SGCD: variants seen among roughly 807,000 people sequenced by gnomAD.
SGCD encodes sarcoglycan delta.
SGCD carries 18 observed loss-of-function variants against 36.6 expected under a neutral mutation model. That is an observed-to-expected ratio of 0.49 (90% CI 0.34 to 0.73). The LOEUF is 0.73. SGCD is among the 30% of genes least tolerant of loss of function. SGCD has a pLI of 0.01. For synonymous variants in SGCD, 133 were observed against 130.6 expected, an observed-to-expected ratio of 1.02 and a Z score of -0.12; for missense variants, 387 against 346.7, an observed-to-expected ratio of 1.12 and a Z score of -0.92.
chr5:156,543,296 C>A (rs1386520887), intron 4 of SGCD, among the ~76,000 whole-genome samples: 1 of 152,208 alleles, frequency 6.6e-6, no homozygotes, highest in Non-Finnish European at 1.5e-5. Context: ...ATGCCTCCCT[C>A]ATTTATAACC....
the SGCD span, among the ~76,000 whole-genome samples, chr5:155,801,023 G>A: frequency 1.3e-5 from 2 of 152,142 alleles, no homozygotes; most frequent in Admixed American, 6.5e-5. Flanking sequence ...TTTATAATGA[G>A]TGCCTTTATT....
intron 7 of SGCD, among the ~76,000 whole-genome samples, chr5:156,653,991 G>T (rs1763574537): frequency 6.6e-6 from 1 of 152,136 alleles, no homozygotes; most frequent in South Asian, 2.1e-4. Context: ...ACTGTGCTAA[G>T]AGTTGGGCGC....
At chr5:156,146,736 C>T (rs779850142) in intron 3 of SGCD, among the ~76,000 whole-genome samples, 2 of 152,106 alleles carry the variant, frequency 1.3e-5, no homozygotes, top group African/African-American at 4.8e-5. Flanking sequence ...TAAAAATAAG[C>T]GTTAGTGAGC....
intron 3 of SGCD, among the ~76,000 whole-genome samples, chr5:156,492,473 A>C (rs1755988480): frequency 6.6e-6 from 1 of 152,094 alleles, no homozygotes; most frequent in African/African-American, 2.4e-5. Context: ...AGGCAGGAAA[A>C]AATCCTCCCC....
chr5:155,880,919 T>C (rs1755867482), intron 1 of SGCD, among the ~76,000 whole-genome samples: 2 of 152,116 alleles, frequency 1.3e-5, no homozygotes, highest in African/African-American at 4.8e-5. Context: ...GACTCCTAGG[T>C]GAGCAGAAAA....
intron 6 of SGCD, among the ~76,000 whole-genome samples, chr5:156,601,538 C>T (rs1761191493): frequency 1.3e-5 from 2 of 152,150 alleles, no homozygotes; most frequent in Admixed American, 1.3e-4. Flanking sequence ...GTTATTATAG[C>T]TTTGTAGTAT....
At chr5:155,736,772 C>G in the SGCD span, among the ~76,000 whole-genome samples, 2 of 152,088 alleles carry the variant, frequency 1.3e-5, no homozygotes, top group Admixed American at 6.6e-5. Context: ...CAACATGGTT[C>G]TAAGTTATGT....
chr5:155,998,778 T>G (rs1758606091), intron 1 of SGCD, among the ~76,000 whole-genome samples: 2 of 152,220 alleles, frequency 1.3e-5, no homozygotes, highest in South Asian at 4.1e-4. Flanking sequence ...TGGAAACACC[T>G]GCTCACACTT....
intron 3 of SGCD, among the ~76,000 whole-genome samples, chr5:156,187,287 TAGG>T (rs1763785051): frequency 6.6e-6 from 1 of 152,000 alleles, no homozygotes; most frequent in African/African-American, 2.4e-5. Flanking sequence ...ATGATTTCAA[TAGG>T]ATAATGGGAA....
At chr5:155,753,467 G>A in the SGCD span, among the ~76,000 whole-genome samples, 1 of 152,134 alleles carries the variant, frequency 6.6e-6, no homozygotes, top group South Asian at 2.1e-4. Flanking sequence ...GTTCTAAAAA[G>A]GATCGGACAA....
intron 2 of SGCD, among the ~76,000 whole-genome samples, chr5:156,335,534 T>C (rs1768304059): frequency 6.6e-6 from 1 of 152,160 alleles, no homozygotes; most frequent in African/African-American, 2.4e-5. Context: ...CCAAGTGCCA[T>C]CATAGTGTTC....
chr5:156,166,161 G>A (rs985002007), intron 3 of SGCD, among the ~76,000 whole-genome samples: 1 of 150,512 alleles, frequency 6.6e-6, no homozygotes, highest in African/African-American at 2.4e-5. Flanking sequence ...TTTAGTAAAT[G>A]TATCTCTTTT....
chr5:156,524,526 A>T (rs1286178079), intron 4 of SGCD, among the ~76,000 whole-genome samples: 1 of 151,514 alleles, frequency 6.6e-6, no homozygotes, highest in Non-Finnish European at 1.5e-5. Context: ...TACATCATGA[A>T]ATGACTAACA....
chr5:156,126,245 G>A (rs985640613), intron 3 of SGCD, among the ~76,000 whole-genome samples: 2 of 152,100 alleles, frequency 1.3e-5, no homozygotes, highest in Non-Finnish European at 2.9e-5. Context: ...CCTCAAATAC[G>A]TAGAGAAGCT....
At chr5:156,030,597 A>G (rs979804032) in intron 1 of SGCD, among the ~76,000 whole-genome samples, 3 of 152,228 alleles carry the variant, frequency 2.0e-5, no homozygotes, top group Non-Finnish European at 4.4e-5. Flanking sequence ...CATTTTTTAT[A>G]GCAGCCCTAG....
intron 1 of SGCD, among the ~76,000 whole-genome samples, chr5:155,894,310 C>T (rs565131717): frequency 2.6e-5 from 4 of 152,260 alleles, no homozygotes; most frequent in South Asian, 4.1e-4. Context: ...AGAAATTTTT[C>T]GGCTCCATTA....
intron 3 of SGCD, among the ~76,000 whole-genome samples, chr5:156,311,691 G>C (rs1767393851): frequency 6.6e-6 from 1 of 152,074 alleles, no homozygotes; most frequent in African/African-American, 2.4e-5. Context: ...ATCATATTGG[G>C]TTTCTGTATT....
chr5:155,742,998 T>C, the SGCD span, among the ~76,000 whole-genome samples: 1 of 152,342 alleles, frequency 6.6e-6, no homozygotes, highest in South Asian at 2.1e-4. Context: ...TAAGGTTTGG[T>C]TGGGGGCACG....
intron 3 of SGCD, among the ~76,000 whole-genome samples, chr5:156,483,551 C>T (rs928992413): frequency 6.6e-6 from 1 of 152,124 alleles, no homozygotes; most frequent in African/African-American, 2.4e-5. Context: ...AAACAGAAGG[C>T]GAGGCCTGGG....
Sources: gnomAD v4.1 joint callset for allele counts (sites outside exome capture counted in the v4.1 genomes callset) on GRCh38, gnomAD v4.1.1 for gene constraint, MANE v1.5 for transcripts, NCBI Gene and HGNC (gene_info 2026-07-23, HGNC 2026-07-21) for gene names.